The following GPHN variants were observed in gnomAD, a reference collection of about 807,000 sequenced individuals.
The protein encoded by GPHN is gephyrin.
GPHN carries 17 observed loss-of-function variants against 95.5 expected under a neutral mutation model. That is an observed-to-expected ratio of 0.18 (90% confidence interval 0.12 to 0.27). GPHN has a LOEUF of 0.27. Ranked by LOEUF, GPHN falls within the 10% of genes least tolerant of loss-of-function variation. The pLI is 1.00. For missense variants in GPHN, 660 were observed against 978.1 expected (o/e 0.67, Z 4.34); for synonymous variants, 320 against 322.5 (o/e 0.99, Z 0.08).
chr14:67,480,755 G>A, the GPHN span, among the ~76,000 whole-genome samples: 14 of 152,172 alleles, frequency 9.2e-5, no homozygotes, highest in African/African-American at 3.4e-4. Context: ...TGACTGTGTG[G>A]ATCTCATTAC....
At chr14:67,577,502 A>G in the GPHN span, 1 of 826,342 alleles carries the variant, frequency 1.2e-6, no homozygotes. Flanking sequence ...CAACCCACAG[A>G]GGGATCTGGA....
At chr14:66,623,801 A>G (rs577467534) in intron 1 of GPHN, among the ~76,000 whole-genome samples, 2 of 152,124 alleles carry the variant, frequency 1.3e-5, no homozygotes, top group East Asian at 3.9e-4. Context: ...GCTTTATTGG[A>G]TACGGGTTAC....
At chr14:66,982,045 C>A (rs188054474) in intron 9 of GPHN, among the ~76,000 whole-genome samples, 1 of 151,920 alleles carries the variant, frequency 6.6e-6, no homozygotes, top group Non-Finnish European at 1.5e-5. Flanking sequence ...TGTGAGTGTA[C>A]CTTAATGCAG....
intron 1 of GPHN, among the ~76,000 whole-genome samples, chr14:66,629,362 A>G (rs1459741515): frequency 1.3e-5 from 2 of 151,540 alleles, no homozygotes; most frequent in African/African-American, 4.8e-5. Context: ...AGGCCTACAC[A>G]GGGTCAGGAT....
At chr14:66,530,154 A>T (rs1342810390) in intron 1 of GPHN, among the ~76,000 whole-genome samples, 2 of 152,034 alleles carry the variant, frequency 1.3e-5, no homozygotes, top group Non-Finnish European at 2.9e-5. Flanking sequence ...CCCAGAGTGG[A>T]GGATTCTAGA....
chr14:66,849,412 A>G (rs944363431), intron 4 of GPHN, among the ~76,000 whole-genome samples: 11 of 152,040 alleles, frequency 7.2e-5, no homozygotes, highest in African/African-American at 1.9e-4. Flanking sequence ...CTAAAATACA[A>G]TAACTCACTC....
the GPHN span, among the ~76,000 whole-genome samples, chr14:67,500,911 C>T: frequency 2.0e-5 from 3 of 151,962 alleles, no homozygotes; most frequent in South Asian, 2.1e-4. Context: ...GTCAAAGCAG[C>T]TATAAGAATT....
chr14:66,515,548 T>G (rs2058206747), intron 1 of GPHN, among the ~76,000 whole-genome samples: 1 of 152,296 alleles, frequency 6.6e-6, no homozygotes, highest in South Asian at 2.1e-4. Flanking sequence ...ATCTAAAAAC[T>G]AAAAATTTGA....
the GPHN span, chr14:67,691,198 C>A: frequency 6.2e-7 from 1 of 1,614,100 alleles, no homozygotes; most frequent in South Asian, 1.1e-5. Context: ...AGTACGGACA[C>A]ATCATCACTC....
At chr14:67,637,308 G>T in the GPHN span, among the ~76,000 whole-genome samples, 2 of 151,120 alleles carry the variant, frequency 1.3e-5, no homozygotes, top group Admixed American at 6.6e-5. Context: ...TACTTGGGGA[G>T]GCTGAGGCAG....
At chr14:67,340,495 T>G in the GPHN span, 1 of 1,612,860 alleles carries the variant, frequency 6.2e-7, no homozygotes, top group Non-Finnish European at 8.5e-7. Flanking sequence ...TAAGCAAGAG[T>G]ACGTTCAATC....
At chr14:67,609,062 G>A in the GPHN span, among the ~76,000 whole-genome samples, 2 of 152,234 alleles carry the variant, frequency 1.3e-5, no homozygotes, top group East Asian at 1.9e-4. Flanking sequence ...TTGCAAGTCC[G>A]AGCTTCTGGA....
At chr14:67,031,244 CA>C (rs2074182479) in intron 10 of GPHN, among the ~76,000 whole-genome samples, 1 of 152,112 alleles carries the variant, frequency 6.6e-6, no homozygotes, top group African/African-American at 2.4e-5. Context: ...TATTAAGAAA[CA>C]TGAATTTTTA....
At chr14:67,118,221 T>G in intron 16 of GPHN, among the ~76,000 whole-genome samples, 1 of 152,264 alleles carries the variant, frequency 6.6e-6, no homozygotes, top group South Asian at 2.1e-4. Context: ...ACTCCTAAAG[T>G]GATGGCTGAG....
At chr14:67,577,192 A>C in the GPHN span, 1 of 734,506 alleles carries the variant, frequency 1.4e-6, no homozygotes, top group Non-Finnish European at 2.3e-6. Context: ...CCAAGTGTTG[A>C]CGGAAGATAA....
At chr14:66,570,364 GTGCAATCTCTGCTCAC>G (rs1205137111) in intron 1 of GPHN, among the ~76,000 whole-genome samples, 2 of 148,610 alleles carry the variant, frequency 1.3e-5, no homozygotes, top group Non-Finnish European at 3.0e-5. Context: ...GAGTGCAGTG[GTGCAATCTCTGCTCAC>G]TGCAATCTCT....
the GPHN span, chr14:67,447,728 CT>C: frequency 6.6e-6 from 1 of 152,188 alleles, no homozygotes; most frequent in Non-Finnish European, 1.5e-5. Context: ...TTTCACCAAT[CT>C]TGGTCTTTTC....
rs534568990 is a variant in GPHN, at chr14:66,699,072, T to G, written c.143+17887T>G. Among the ~76,000 whole-genome samples the G allele has an allele frequency of 2.0e-5, 3 of 152,320 alleles. No individual in the cohort carries two copies. The South Asian group carries it at 6.2e-4, about 32-fold the overall frequency. On this transcript the variant is annotated intron_variant, in intron 2 of 22. Transcript: ENST00000478722. ...TAATGAAAAGAGTACTGAGCTATGA[T>G]TTAAACTTAACTGCAGAGAAGTCTA...
intron 17 of GPHN, among the ~76,000 whole-genome samples, chr14:67,129,141 T>G (rs1056788391): frequency 4.6e-5 from 7 of 152,016 alleles, no homozygotes; most frequent in African/African-American, 1.7e-4. Flanking sequence ...TTAATATTTC[T>G]GAAATACTTG....
Sources: allele counts gnomAD v4.1 joint callset (sites outside exome capture counted in the v4.1 genomes callset), GRCh38; gene constraint gnomAD v4.1.1; transcripts MANE v1.5; gene names NCBI Gene and HGNC (gene_info 2026-07-23, HGNC 2026-07-21).